The following STK40 variants were observed in gnomAD, a reference collection of about 807,000 sequenced individuals.
STK40 encodes serine/threonine-protein kinase 40.
In STK40, 13 loss-of-function variants were observed where a neutral mutation model predicts 47.9. The observed-to-expected ratio is 0.27, with a 90% CI of 0.18 to 0.43. The LOEUF (loss-of-function observed/expected upper bound fraction) is 0.43. Ranked by LOEUF, STK40 falls within the 20% of genes least tolerant of loss-of-function variation. The probability of loss-of-function intolerance (pLI) is 1.00; values close to 1 mark genes in which losing one functional copy is unlikely to be tolerated. For missense variants in STK40, 460 were observed against 595.1 expected (o/e 0.77, Z 2.36); for synonymous variants, 225 against 243.2 (o/e 0.93, Z 0.69).
chr1:36,371,953 C>T (rs1344412350), intron 1 of STK40, among the ~76,000 whole-genome samples: 5 of 148,322 alleles, frequency 3.4e-5, no homozygotes, highest in Admixed American at 6.8e-5. Flanking sequence ...GCCGAGATCA[C>T]GCCACTGCAC....
intron 9 of STK40, 145 bp from the exon 10 acceptor site, chr1:36,343,593 G>C: frequency 1.0e-6 from 1 of 995,476 alleles, no homozygotes; most frequent in Non-Finnish European, 1.5e-6. Flanking sequence ...CCCATAAAGG[G>C]GGACAATTTC....
At chr1:36,358,910 T>C in intron 2 of STK40, 88 bp from the exon 3 acceptor site, 2 of 1,447,018 alleles carry the variant, frequency 1.4e-6, no homozygotes, top group Non-Finnish European at 1.9e-6. Context: ...CTAGACCTTC[T>C]ATTCAGGAGG....
At chr1:36,382,058 T>C (rs1647044038) in intron 1 of STK40, among the ~76,000 whole-genome samples, 1 of 152,132 alleles carries the variant, frequency 6.6e-6, no homozygotes, top group South Asian at 2.1e-4. Flanking sequence ...CAGGGCTCTG[T>C]ATTTTGAGCT....
intron 1 of STK40, among the ~76,000 whole-genome samples, chr1:36,384,678 T>C (rs114100278): frequency 0.012 from 1,760 of 152,356 alleles, 12 homozygotes; most frequent in Non-Finnish European, 0.02. Context: ...GCAAGGACTC[T>C]TGTTGTGGTC....
At chr1:36,363,307 A>C (rs1412196886) in intron 1 of STK40, among the ~76,000 whole-genome samples, 2 of 152,200 alleles carry the variant, frequency 1.3e-5, no homozygotes, top group African/African-American at 4.8e-5. Context: ...ATCTTAAAAC[A>C]AACAAAAACC....
chr1:36,343,717 C>T, intron 9 of STK40, 143 bp downstream of exon 9: 1 of 1,386,248 alleles, frequency 7.2e-7, no homozygotes. Flanking sequence ...CCTATGCCCT[C>T]CCAATCTTGT....
At chr1:36,372,616 G>C (rs1175483855) in intron 1 of STK40, 2 of 152,092 alleles carry the variant, frequency 1.3e-5, no homozygotes, top group African/African-American at 4.8e-5. Flanking sequence ...CCCAATGTCT[G>C]CATGGTTCCA....
chr1:36,354,335 C>T (rs1557510741), intron 6 of STK40, 29 bp downstream of exon 6: 1 of 1,613,352 alleles, frequency 6.2e-7, no homozygotes, highest in Admixed American at 1.7e-5. Flanking sequence ...CCCGGGGTAA[C>T]TGTATGGATG....
chr1:36,342,880 C>T, intron 10 of STK40: 1 of 400,644 alleles, frequency 2.5e-6, no homozygotes, highest in South Asian at 2.6e-5. Context: ...GCCCTGCCCT[C>T]CAGGGGGCAC....
chr1:36,361,203 C>T lies in STK40; in HGVS notation c.112+18G>A, dbSNP rs549971800. On this transcript the variant is annotated intron_variant, in intron 2 of 10. Coordinates refer to ENST00000373132, the MANE Select transcript of STK40 (RefSeq NM_001282547.2). The stretch of plus-strand genomic sequence containing the variant: ...TGCCTCCCAGCCCACCCATTTTTCC[C>T]AAAGGTCAGAGGCTTACCAAGGATG... 2 of 1,613,708 alleles carry T rather than the reference C, an allele frequency of 1.2e-6. No individual in the cohort carries two copies. The highest frequency in any genetic ancestry group is 1.7e-6 in the Non-Finnish European group (2 of 1,179,920).
chr1:36,366,435 A>C (rs1557518697), intron 1 of STK40, among the ~76,000 whole-genome samples: 1 of 152,190 alleles, frequency 6.6e-6, no homozygotes, highest in Non-Finnish European at 1.5e-5. Flanking sequence ...GAGTTGACTG[A>C]AGCAAAGGAA....
chr1:36,350,624 T>A (rs1268708495), intron 6 of STK40, among the ~76,000 whole-genome samples: 1 of 152,244 alleles, frequency 6.6e-6, no homozygotes, highest in African/African-American at 2.4e-5. Context: ...TGGAGGGCAC[T>A]TAGCCCAATG....
chr1:36,343,159 A>T (rs1387409216), intron 10 of STK40: 1 of 705,950 alleles, frequency 1.4e-6, no homozygotes, highest in Non-Finnish European at 2.6e-6. Flanking sequence ...CTGGCCAAAG[A>T]TCTCCAGCTA....
At chr1:36,359,003 G>A (rs1048829233) in intron 2 of STK40, among the ~76,000 whole-genome samples, 181 bp from the exon 3 acceptor site, 1 of 152,178 alleles carries the variant, frequency 6.6e-6, no homozygotes, top group African/African-American at 2.4e-5. Context: ...AAAAATAGAG[G>A]GGTATGTGTG....
At chr1:36,347,724 C>T (rs1189918328) in intron 7 of STK40, among the ~76,000 whole-genome samples, 2 of 151,354 alleles carry the variant, frequency 1.3e-5, no homozygotes, top group Admixed American at 6.6e-5. Flanking sequence ...ACAATCTCGG[C>T]TCACTGCAAC....
At chr1:36,384,628 C>T (rs1223295733) in intron 1 of STK40, among the ~76,000 whole-genome samples, 3 of 152,222 alleles carry the variant, frequency 2.0e-5, no homozygotes, top group South Asian at 4.1e-4. Flanking sequence ...GGCTCCAAAG[C>T]CTACTCTTAA....
At chr1:36,371,314 G>A (rs1424014940) in intron 1 of STK40, among the ~76,000 whole-genome samples, 1 of 151,834 alleles carries the variant, frequency 6.6e-6, no homozygotes, top group African/African-American at 2.4e-5. Flanking sequence ...CAGCACTTTG[G>A]GAGGCTGAGG....
At chr1:36,378,261 A>G (rs1314914204) in intron 1 of STK40, among the ~76,000 whole-genome samples, 1 of 152,176 alleles carries the variant, frequency 6.6e-6, no homozygotes, top group Non-Finnish European at 1.5e-5. Flanking sequence ...GCCAGGATGG[A>G]GGAAGGGAAC....
At chr1:36,362,315 G>A (rs1459828153) in intron 1 of STK40, among the ~76,000 whole-genome samples, 1 of 152,198 alleles carries the variant, frequency 6.6e-6, no homozygotes, top group Non-Finnish European at 1.5e-5. Context: ...GTTCCACATG[G>A]GGAAGGTCAG....
Sources: allele counts gnomAD v4.1 joint callset (sites outside exome capture counted in the v4.1 genomes callset), GRCh38; gene constraint gnomAD v4.1.1; transcripts MANE v1.5; gene names NCBI Gene and HGNC (gene_info 2026-07-23, HGNC 2026-07-21).